Variants in SNTG1 observed in about 807,000 individuals in gnomAD.
SNTG1 encodes the protein syntrophin gamma 1.
Under a neutral mutation model 74.7 loss-of-function variants are expected in SNTG1, and 39 were observed. The ratio of observed to expected loss-of-function variants is 0.52; its 90% CI spans 0.40 to 0.68. SNTG1 has a LOEUF of 0.68. Ranked by LOEUF, SNTG1 falls within the 30% of genes least tolerant of loss-of-function variation. SNTG1 has a pLI of 0.00. For missense variants in SNTG1, 685 were observed against 609.5 expected, an observed-to-expected ratio of 1.12 and a Z score of -1.30; for synonymous variants, 254 against 217.1, an observed-to-expected ratio of 1.17 and a Z score of -1.49.
At chr8:49,995,224 G>C (rs779927543) in intron 1 of SNTG1, among the ~76,000 whole-genome samples, 1 of 152,156 alleles carries the variant, frequency 6.6e-6, no homozygotes, top group Non-Finnish European at 1.5e-5. Flanking sequence ...TCAATGGAGT[G>C]TGAAACAGAA....
chr8:50,561,464 G>T (rs747376957), intron 12 of SNTG1, among the ~76,000 whole-genome samples: 1 of 152,066 alleles, frequency 6.6e-6, no homozygotes, highest in Non-Finnish European at 1.5e-5. Context: ...TAAAAGAAAG[G>T]TTTGTAGCTT....
chr8:50,494,476 G>T (rs542059206), intron 8 of SNTG1, among the ~76,000 whole-genome samples: 1 of 151,746 alleles, frequency 6.6e-6, no homozygotes, highest in Non-Finnish European at 1.5e-5. Flanking sequence ...TCTTCTTTAA[G>T]AATTAGGTAA....
chr8:50,591,284 G>C lies in SNTG1; in HGVS notation c.849+367G>C, dbSNP rs367768102. Among the ~76,000 whole-genome samples the C allele has an allele frequency of 8.6e-5, 13 of 151,942 alleles. 1 individual carries two copies. The highest frequency in any genetic ancestry group is 2.9e-4 in the African/African-American group (12 of 41,382). On this transcript the variant is annotated intron_variant, in intron 13 of 18. Coordinates refer to ENST00000642720, the MANE Select transcript of SNTG1 (RefSeq NM_018967.5). ...AATTCAAATGAATTTTTCACAATTT[G>C]CTGACAGTATTTCAAACGAGTCTAA...
chr8:50,110,936 G>C (rs1000782265), intron 1 of SNTG1, among the ~76,000 whole-genome samples: 3 of 151,978 alleles, frequency 2.0e-5, no homozygotes, highest in Admixed American at 2.0e-4. Flanking sequence ...CTTTAATCTA[G>C]GTATGTCCTA....
intron 1 of SNTG1, among the ~76,000 whole-genome samples, chr8:50,084,750 G>A (rs1822722398): frequency 6.6e-6 from 1 of 152,190 alleles, no homozygotes; most frequent in South Asian, 2.1e-4. Context: ...GATGTGATTA[G>A]GTCACAAGGG....
chr8:50,327,931 C>A (rs2090817334), intron 2 of SNTG1, among the ~76,000 whole-genome samples: 1 of 152,072 alleles, frequency 6.6e-6, no homozygotes, highest in Non-Finnish European at 1.5e-5. Flanking sequence ...AGTTCAAATA[C>A]CTTCTAATAA....
intron 2 of SNTG1, among the ~76,000 whole-genome samples, chr8:50,280,690 C>A (rs1669280363): frequency 6.6e-6 from 1 of 152,098 alleles, no homozygotes. Context: ...AAGTTATTAT[C>A]TAAAGACCTG....
At chr8:50,006,717 G>A (rs983123900) in intron 1 of SNTG1, among the ~76,000 whole-genome samples, 5 of 152,142 alleles carry the variant, frequency 3.3e-5, no homozygotes, top group African/African-American at 7.2e-5. Flanking sequence ...TACTGATGCT[G>A]CTTTGGGTGA....
intron 2 of SNTG1, among the ~76,000 whole-genome samples, chr8:50,216,894 T>C (rs2084814722): frequency 6.6e-6 from 1 of 152,002 alleles, no homozygotes; most frequent in African/African-American, 2.4e-5. Context: ...ACTAAGAGGT[T>C]TGTTACATCA....
chr8:50,619,332 G>A (rs2094905489), intron 13 of SNTG1, among the ~76,000 whole-genome samples: 1 of 152,122 alleles, frequency 6.6e-6, no homozygotes, highest in Admixed American at 6.5e-5. Flanking sequence ...ACCTATATAT[G>A]CTTAAGTACC....
At chr8:50,008,990 G>A (rs772668728) in intron 1 of SNTG1, among the ~76,000 whole-genome samples, 1 of 151,270 alleles carries the variant, frequency 6.6e-6, no homozygotes, top group Non-Finnish European at 1.5e-5. Context: ...CCCACAGTTT[G>A]CCTCTTATAG....
chr8:50,578,303 C>T (rs975227526), intron 12 of SNTG1, among the ~76,000 whole-genome samples: 11 of 152,160 alleles, frequency 7.2e-5, no homozygotes, highest in African/African-American at 2.2e-4. Context: ...TTGTGTCAGA[C>T]TGAATTAGCT....
intron 12 of SNTG1, among the ~76,000 whole-genome samples, chr8:50,559,638 A>T (rs2130670510): frequency 6.6e-6 from 1 of 152,278 alleles, no homozygotes; most frequent in African/African-American, 2.4e-5. Flanking sequence ...AGGATTCCCT[A>T]TTTAATAAAT....
At chr8:50,044,917 C>A (rs891642840) in intron 1 of SNTG1, among the ~76,000 whole-genome samples, 1 of 152,054 alleles carries the variant, frequency 6.6e-6, no homozygotes, top group Non-Finnish European at 1.5e-5. Flanking sequence ...ATGATATTTG[C>A]GAACCATTTA....
chr8:50,152,578 A>G (rs1005749601), intron 1 of SNTG1, among the ~76,000 whole-genome samples: 3 of 152,160 alleles, frequency 2.0e-5, no homozygotes, highest in Non-Finnish European at 4.4e-5. Flanking sequence ...TGCTTCCTTC[A>G]GGAGCTCTTT....
rs371345380 is a variant in SNTG1 at position 50,772,976 on chromosome 8, C to T, written c.1396-19695C>T. 2.3e-4 allele frequency among the ~76,000 whole-genome samples: 35 copies of T among 152,092 alleles called. 3 individuals are homozygous for T. Among genetic ancestry groups the T allele is most frequent in the Admixed American group, 1.6e-3 (24 of 15,244 alleles). ...TGCCATGAGGTGAAACAGCCTGAAACCTTCACCAGATGCAGCTTTCCCACC... is the reference window on the plus strand; with the variant it reads ...TGCCATGAGGTGAAACAGCCTGAAATCTTCACCAGATGCAGCTTTCCCACC... On this transcript the variant is annotated intron_variant, in intron 18 of 18. Coordinates refer to ENST00000642720, the MANE Select transcript of SNTG1 (RefSeq NM_018967.5).
intron 3 of SNTG1, among the ~76,000 whole-genome samples, chr8:50,399,949 G>T (rs1439663881): frequency 2.0e-5 from 3 of 152,060 alleles, no homozygotes; most frequent in Non-Finnish European, 1.5e-5. Context: ...AAAAGCTTCT[G>T]TTTTTCCTAA....
chr8:49,970,287 T>A (rs1307637947), intron 1 of SNTG1, among the ~76,000 whole-genome samples: 1 of 152,174 alleles, frequency 6.6e-6, no homozygotes, highest in Admixed American at 6.5e-5. Context: ...TTATGCCCAC[T>A]GGGTAGTGCT....
rs542150300 is a variant in SNTG1 at position 50,517,694 on chromosome 8, C to G, written c.467-12483C>G. ...AAACAGACTTTAAACCAACAAAGAT[C>G]AACAAAGACAAAGAAGGGCATTATA... On this transcript the variant is annotated intron_variant, in intron 9 of 18. Transcript: ENST00000642720. Among the ~76,000 whole-genome samples, 267 of 147,156 alleles carry G rather than the reference C, an allele frequency of 1.8e-3. 4 individuals carry two copies. Among genetic ancestry groups the G allele is most frequent in the African/African-American group, 6.3e-3 (252 of 39,822 alleles).
Sources: allele counts gnomAD v4.1 joint callset (sites outside exome capture counted in the v4.1 genomes callset), GRCh38; gene constraint gnomAD v4.1.1; transcripts MANE v1.5; gene names NCBI Gene and HGNC (gene_info 2026-07-23, HGNC 2026-07-21).